NAALADL2: variants seen among roughly 807,000 people sequenced by gnomAD.
The protein encoded by NAALADL2 is inactive N-acetylated-alpha-linked acidic dipeptidase-like protein 2.
Under a neutral mutation model 87.2 loss-of-function variants are expected in NAALADL2, and 76 were observed. The observed-to-expected ratio is 0.87, with a 90% CI of 0.72 to 1.05. The LOEUF is 1.05. Among genes scored for constraint, NAALADL2 ranks in the 50% least tolerant of loss-of-function variants. The pLI, the probability that NAALADL2 is intolerant of heterozygous loss-of-function variation, is 0.00. For synonymous variants in NAALADL2, 354 were observed against 331.0 expected (o/e 1.07, Z -0.75); for missense variants, 1,089 against 945.8 (o/e 1.15, Z -1.99).
intron 9 of NAALADL2, among the ~76,000 whole-genome samples, chr3:175,573,763 G>A (rs1166925327): frequency 6.6e-6 from 1 of 152,116 alleles, no homozygotes; most frequent in Non-Finnish European, 1.5e-5. Flanking sequence ...GTCAGAAAGT[G>A]AAAAAGGATT....
At chr3:174,732,937 A>C (rs1480920277) in intron 2 of NAALADL2, among the ~76,000 whole-genome samples, 2 of 152,182 alleles carry the variant, frequency 1.3e-5, no homozygotes, top group Non-Finnish European at 1.5e-5. Flanking sequence ...ATATGTGTGT[A>C]TTAAGCCACC....
At chr3:174,703,627 C>G (rs1230084208) in intron 2 of NAALADL2, among the ~76,000 whole-genome samples, 2 of 152,030 alleles carry the variant, frequency 1.3e-5, no homozygotes, top group Non-Finnish European at 1.5e-5. Flanking sequence ...ATCATCATCA[C>G]CTATAAATGC....
intron 1 of NAALADL2, among the ~76,000 whole-genome samples, chr3:174,995,902 A>G (rs1382129838): frequency 1.3e-5 from 2 of 152,160 alleles, no homozygotes; most frequent in Non-Finnish European, 2.9e-5. Context: ...ATATATGATT[A>G]TTACTAATGT....
chr3:175,400,164 GA>G (rs566528778), intron 5 of NAALADL2, among the ~76,000 whole-genome samples: 2 of 151,842 alleles, frequency 1.3e-5, no homozygotes, highest in African/African-American at 4.8e-5. Context: ...TCAGAAAAGA[GA>G]AAAAAAATCA....
At chr3:175,562,792 A>T (rs1009138709) in intron 9 of NAALADL2, among the ~76,000 whole-genome samples, 21 of 24,932 alleles carry the variant, frequency 8.4e-4, no homozygotes, top group Non-Finnish European at 3.8e-3. Context: ...AACCCAATTA[A>T]AAAAAGTCTT....
chr3:175,299,533 G>C (rs929534961), intron 4 of NAALADL2, among the ~76,000 whole-genome samples: 11 of 151,892 alleles, frequency 7.2e-5, no homozygotes, highest in Non-Finnish European at 1.5e-4. Flanking sequence ...TGTATTCCTA[G>C]TTATTTTATT....
intron 2 of NAALADL2, among the ~76,000 whole-genome samples, chr3:174,597,526 C>A (rs1718033800): frequency 6.6e-6 from 1 of 152,256 alleles, no homozygotes; most frequent in South Asian, 2.1e-4. Context: ...AATCTCAGGC[C>A]TTTTATGTTA....
At chr3:175,493,428 A>G (rs73045061) in intron 9 of NAALADL2, among the ~76,000 whole-genome samples, 10,688 of 152,152 alleles carry the variant, frequency 0.07, 447 homozygotes, top group South Asian at 0.16. Context: ...AGGAAACATA[A>G]TAGGTAAAAC....
chr3:175,368,532 C>A (rs1460574834), intron 5 of NAALADL2, among the ~76,000 whole-genome samples: 1 of 150,722 alleles, frequency 6.6e-6, no homozygotes, highest in Non-Finnish European at 1.5e-5. Flanking sequence ...ATTTTGGTAT[C>A]TTTTTTTATA....
At chr3:175,364,215 G>T (rs67724932) in intron 5 of NAALADL2, among the ~76,000 whole-genome samples, 41,426 of 147,244 alleles carry the variant, frequency 0.28, 9,726 homozygotes, top group East Asian at 0.56. Context: ...CCTTTTCTTG[G>T]AAATATATAA....
chr3:175,717,803 ATTTT>A (rs10575051), intron 11 of NAALADL2, among the ~76,000 whole-genome samples: 2 of 117,906 alleles, frequency 1.7e-5, no homozygotes, highest in Admixed American at 8.9e-5. Context: ...AAGAGAGCAG[ATTTT>A]TTTTTTTTTT....
intron 11 of NAALADL2, among the ~76,000 whole-genome samples, chr3:175,713,898 A>G (rs1046483930): frequency 3.3e-5 from 5 of 151,978 alleles, no homozygotes; most frequent in Non-Finnish European, 7.4e-5. Flanking sequence ...ACTCCCCAAT[A>G]GGCCCTGGTG....
intron 3 of NAALADL2, among the ~76,000 whole-genome samples, chr3:174,810,742 G>A (rs962324522): frequency 6.6e-6 from 1 of 152,118 alleles, no homozygotes. Context: ...ACTCAAGCAG[G>A]CTGCAGAAAT....
chr3:174,761,164 T>C (rs1274257780), intron 3 of NAALADL2, among the ~76,000 whole-genome samples: 1 of 152,204 alleles, frequency 6.6e-6, no homozygotes, highest in Non-Finnish European at 1.5e-5. Context: ...AAGTGAATGG[T>C]TCTATATGAA....
At chr3:174,903,763 T>C (rs928783663) in intron 1 of NAALADL2, among the ~76,000 whole-genome samples, 1 of 151,908 alleles carries the variant, frequency 6.6e-6, no homozygotes, top group African/African-American at 2.4e-5. Context: ...TTGTTGAATA[T>C]ATTTGCACGG....
chr3:174,654,159 A>G (rs1011026041), intron 2 of NAALADL2, among the ~76,000 whole-genome samples: 8 of 152,052 alleles, frequency 5.3e-5, no homozygotes, highest in East Asian at 3.9e-4. Flanking sequence ...GCATACAGAA[A>G]AGGAGAAAGT....
chr3:175,443,448 C>G (rs2193838), intron 5 of NAALADL2, among the ~76,000 whole-genome samples: 12,847 of 152,036 alleles, frequency 0.084, 694 homozygotes, highest in East Asian at 0.23. Flanking sequence ...ATCTACAAAA[C>G]TTAATTTTAG....
chr3:175,068,441 A>G (rs1171311059), intron 1 of NAALADL2, among the ~76,000 whole-genome samples: 1 of 152,162 alleles, frequency 6.6e-6, no homozygotes, highest in Non-Finnish European at 1.5e-5. Context: ...ACTCAAGAGA[A>G]TTAAAAACAA....
chr3:175,505,432 T>C (rs1296008408), intron 9 of NAALADL2, among the ~76,000 whole-genome samples: 3 of 151,816 alleles, frequency 2.0e-5, no homozygotes, highest in Non-Finnish European at 4.4e-5. Flanking sequence ...TCCATAAAGA[T>C]AAGAAAAAAT....
Sources: gnomAD v4.1 joint callset for allele counts (sites outside exome capture counted in the v4.1 genomes callset) on GRCh38, gnomAD v4.1.1 for gene constraint, MANE v1.5 for transcripts, NCBI Gene and HGNC (gene_info 2026-07-23, HGNC 2026-07-21) for gene names.